Variants in TMEM213 observed in about 807,000 individuals in gnomAD.
TMEM213 encodes the protein transmembrane protein 213.
In TMEM213, 7 loss-of-function variants were observed where a neutral mutation model predicts 11.6. That is an observed-to-expected ratio of 0.60 (90% CI 0.34 to 1.13). TMEM213 has a LOEUF of 1.13. Among genes scored for constraint, TMEM213 ranks in the 50% most tolerant of loss-of-function variants. The pLI, the probability that TMEM213 is intolerant of heterozygous loss-of-function variation, is 0.03. For synonymous variants in TMEM213, 60 were observed against 58.3 expected, an observed-to-expected ratio of 1.03 and a Z score of -0.13; for missense variants, 129 against 139.0, an observed-to-expected ratio of 0.93 and a Z score of 0.36.
At chr7:138,798,416 T>G in intron 1 of TMEM213, 30 of 540,468 alleles carry the variant, frequency 5.6e-5, no homozygotes, top group Non-Finnish European at 8.0e-5. Flanking sequence ...AGATACTCAA[T>G]TCCTCAGCTA....
At position 138,803,802 on chromosome 7, in the gene TMEM213, G is replaced by A. The variant is rs1041639806; in HGVS notation, c.*733G>A. ...CAGAAAAAAAAAAAAAAAAAAGAAT[G>A]TGAGGATCAGGTGGGCATGGTGGCT... On this transcript the variant is annotated 3_prime_UTR_variant, in exon 3 of 3. Transcript: ENST00000442682. 3 of 125,392 alleles carry A rather than the reference G, an allele frequency of 2.4e-5. No homozygotes were observed. The highest frequency in any genetic ancestry group is 4.9e-4 in the East Asian group (2 of 4,046). 7.8% of individuals were successfully genotyped at this position (125,392 alleles called of 1,614,324 possible).
intron 2 of TMEM213, 68 bp downstream of exon 2, chr7:138,801,466 TC>T (rs1808945673): frequency 4.2e-6 from 6 of 1,439,718 alleles, no homozygotes; most frequent in Admixed American, 2.0e-5. Context: ...AACAAAGGCC[TC>T]CCCGCTTTCC....
At position 138,804,579 on chromosome 7, in the gene TMEM213, G is replaced by A. The variant is rs931283869; in HGVS notation, c.*1510G>A. On this transcript the variant is annotated 3_prime_UTR_variant, in exon 3 of 3. Transcript: ENST00000442682. ...AGTTTATCCTTCCTCACACCCCTGG[G>A]GCATAGTACCCTATTCAAGTTTGTC... is the stretch of plus-strand genomic sequence containing the variant. The A allele has an allele frequency of 6.6e-6, 1 of 152,264 alleles. No individual in the cohort carries two copies. The highest frequency in any genetic ancestry group is 2.4e-5 in the African/African-American group (1 of 41,518). The allele number at this position is 152,264 out of a possible 1,614,324, so 9.4% of individuals were successfully genotyped here.
rs1809075143 is a variant in TMEM213 at position 138,805,222 on chromosome 7, G to T, written c.*2153G>T. 7.7e-6 allele frequency: 1 copy of T among 130,072 alleles called. No individual in the cohort carries two copies. The highest frequency in any genetic ancestry group is 1.6e-5 in the Non-Finnish European group (1 of 60,872). 8.1% of individuals were successfully genotyped at this position (130,072 alleles called of 1,614,324 possible). A position where few individuals can be genotyped will look rare whatever the true frequency, so the allele number is the denominator to read the frequency against. On this transcript the variant is annotated 3_prime_UTR_variant, in exon 3 of 3. Coordinates refer to ENST00000442682, the MANE Select transcript of TMEM213 (RefSeq NM_001085429.2). The stretch of plus-strand genomic sequence containing the variant: ...AGCCTGAGCAACATAATGAGACCCT[G>T]TCTCTACAAAAAAAAAAAAAAGATT...
chr7:138,799,147 G>A (rs1232843643), intron 1 of TMEM213, among the ~76,000 whole-genome samples: 2 of 152,156 alleles, frequency 1.3e-5, no homozygotes, highest in African/African-American at 4.8e-5. Flanking sequence ...ATCTCATGGG[G>A]ACAATCATAG....
At chr7:138,801,635 C>T in intron 2 of TMEM213, 1 of 531,190 alleles carries the variant, frequency 1.9e-6, no homozygotes, top group Non-Finnish European at 3.4e-6. Context: ...AATGACCCAT[C>T]CCAGGTCAGC....
chr7:138,801,434 C>T, intron 2 of TMEM213, 36 bp downstream of exon 2: 1 of 1,574,956 alleles, frequency 6.3e-7, no homozygotes, highest in African/African-American at 1.3e-5. Context: ...AACCCCAGAA[C>T]TGGCCCTCAG....
rs764980419 is a variant in TMEM213 at position 138,798,182 on chromosome 7, G to C, written c.78G>C (p.Ser26=). The C allele has an allele frequency of 1.3e-6, 2 of 1,590,414 alleles. No individual in the cohort carries two copies. Among genetic ancestry groups the C allele is most frequent in the South Asian group, 1.1e-5 (1 of 87,186 alleles). The change falls in exon 1 of 3, where the codon TCG becomes TCC. Residue 26 remains serine, a synonymous_variant. Coordinates refer to ENST00000442682, the MANE Select transcript of TMEM213 (RefSeq NM_001085429.2). ...TTGCCTCCCTCCACTCGGCTTGCTC[G>C]GCAGGTAGCGTTATGAGCTTTATTC... The part of the protein sequence containing the change: ...LAFASLHSAC[S]AEASSSNSSS...
At chr7:138,802,853 A>G (rs750019308) in intron 2 of TMEM213, 47 bp from the exon 3 acceptor site, 1 of 1,512,280 alleles carries the variant, frequency 6.6e-7, no homozygotes, top group Non-Finnish European at 8.8e-7. Context: ...AAGCCTGGGC[A>G]GGGCTGGTGG....
rs759335247 is a variant in TMEM213, at chr7:138,798,181, C to G, written c.77C>G (p.Ser26Trp). ...TTTGCCTCCCTCCACTCGGCTTGCT[C>G]GGCAGGTAGCGTTATGAGCTTTATT... ...LAFASLHSACSAEASSSNSSS... is the reference protein window; with the variant it reads ...LAFASLHSACWAEASSSNSSS... The change falls in exon 1 of 3, where the codon TCG becomes TGG. Residue 26 changes from serine to tryptophan, a missense_variant. Transcript: ENST00000442682. 1 of 1,590,108 alleles carries G rather than the reference C, an allele frequency of 6.3e-7. No individual in the cohort carries two copies. Among genetic ancestry groups the G allele is most frequent in the East Asian group, 2.3e-5 (1 of 43,756 alleles).
In TMEM213 at chr7:138,798,030, TCACCTGCAGCAGG is replaced by T. The variant is rs1291666844; in HGVS notation, c.-71_-59del. 1.9e-6 allele frequency: 3 copies of T among 1,553,018 alleles called. No individual in the cohort carries two copies. The African/African-American group carries it at 4.1e-5, about 21-fold the overall frequency. On this transcript the variant is annotated 5_prime_UTR_variant, in exon 1 of 3. Transcript: ENST00000442682. Reference sequence around the variant, plus strand: ...CCAGCTCCTGCAGGTGGGAGTCGACTCACCTGCAGCAGGCACTCGGCACAACTCCGCAGGACCG... The same window carrying T: ...CCAGCTCCTGCAGGTGGGAGTCGACTCACTCGGCACAACTCCGCAGGACCG...
rs75409940 is a variant in TMEM213, at chr7:138,798,895, A to G, written c.82+709A>G. 4.2e-3 allele frequency among the ~76,000 whole-genome samples: 637 copies of G among 151,980 alleles called. 6 individuals carry two copies. Among genetic ancestry groups the G allele is most frequent in the African/African-American group, 0.015 (623 of 41,450 alleles). On this transcript the variant is annotated intron_variant, in intron 1 of 2. Transcript: ENST00000442682. ...TTGTTCTCAGCCACCTCAGAACACCACCACACTCTCTATGCCCTGCAACAC... is the reference window on the plus strand; with the variant it reads ...TTGTTCTCAGCCACCTCAGAACACCGCCACACTCTCTATGCCCTGCAACAC...
At chr7:138,801,674 T>G in intron 2 of TMEM213, 1 of 459,962 alleles carries the variant, frequency 2.2e-6, no homozygotes, top group South Asian at 3.8e-5. Context: ...TTCAAATGCT[T>G]GAAGAAGTTT....
chr7:138,801,787 C>T (rs1421865588), intron 2 of TMEM213: 2 of 216,652 alleles, frequency 9.2e-6, no homozygotes, highest in Admixed American at 5.2e-5. Context: ...CTTCTATGCA[C>T]GTTTTTCCTC....
Position 138,804,153 on chromosome 7 carries a change from A to C in TMEM213, c.*1084A>C, listed in dbSNP as rs1335718911. 1.3e-5 allele frequency: 2 copies of C among 152,184 alleles called. No homozygotes were observed. Among genetic ancestry groups the C allele is most frequent in the Non-Finnish European group, 2.9e-5 (2 of 68,152 alleles). 9.4% of individuals were successfully genotyped at this position (152,184 alleles called of 1,614,324 possible). A position where few individuals can be genotyped will look rare whatever the true frequency, so the allele number is the denominator to read the frequency against. ...ATTGCATTCTGTCCTCACTGTCTTGAGGATCTTCCTCCCCGGCTCATCACT... is the reference window on the plus strand; with the variant it reads ...ATTGCATTCTGTCCTCACTGTCTTGCGGATCTTCCTCCCCGGCTCATCACT... On this transcript the variant is annotated 3_prime_UTR_variant, in exon 3 of 3. Coordinates refer to ENST00000442682, the MANE Select transcript of TMEM213 (RefSeq NM_001085429.2).
At chr7:138,798,409 T>C in intron 1 of TMEM213, 1 of 558,804 alleles carries the variant, frequency 1.8e-6, no homozygotes, top group Non-Finnish European at 3.2e-6. Flanking sequence ...GGAGATCAGA[T>C]ACTCAATTCC....
intron 1 of TMEM213, among the ~76,000 whole-genome samples, chr7:138,800,624 C>T (rs1808904132): frequency 6.6e-6 from 1 of 151,962 alleles, no homozygotes; most frequent in Non-Finnish European, 1.5e-5. Context: ...AAATAGACGC[C>T]TTCTCACTGG....
rs1386937710 is a variant in TMEM213 at position 138,803,114 on chromosome 7, G to A, written c.*45G>A. On this transcript the variant is annotated 3_prime_UTR_variant, in exon 3 of 3. Transcript: ENST00000442682. Reference sequence around the variant, plus strand: ...AAATGGTGATCGCCACCAATTTGTGGCTAATGGGGAAGGGGAGTAAGGCTA... The same window carrying A: ...AAATGGTGATCGCCACCAATTTGTGACTAATGGGGAAGGGGAGTAAGGCTA... 2 of 1,593,580 alleles carry A rather than the reference G, an allele frequency of 1.3e-6. No individual in the cohort carries two copies. Among genetic ancestry groups the A allele is most frequent in the Non-Finnish European group, 1.7e-6 (2 of 1,171,550 alleles).
rs768131719 is a variant in TMEM213 at position 138,798,182 on chromosome 7, G to GGCAGGT, written c.79_82+2dup. ...TTGCCTCCCTCCACTCGGCTTGCTC[G>GGCAGGT]GCAGGTAGCGTTATGAGCTTTATTC... On this transcript the variant is annotated inframe_insertion, in exon 1 of 3. Transcript: ENST00000442682. The GGCAGGT allele has an allele frequency of 4.4e-6, 7 of 1,590,296 alleles. No homozygotes were observed. In the Admixed American group the frequency reaches 1.3e-4, roughly 29 times the overall value.
Sources: gnomAD v4.1 joint callset for allele counts (sites outside exome capture counted in the v4.1 genomes callset) on GRCh38, gnomAD v4.1.1 for gene constraint, MANE v1.5 for transcripts, NCBI Gene and HGNC (gene_info 2026-07-23, HGNC 2026-07-21) for gene names.